The following TCF4 variants were observed in gnomAD, a reference collection of about 807,000 sequenced individuals.
TCF4 encodes SL3-3 enhancer factor 2.
Under a neutral mutation model 82.1 loss-of-function variants are expected in TCF4, and 3 were observed. The ratio of observed to expected loss-of-function variants is 0.04; its 90% CI spans 0.02 to 0.09. The LOEUF (loss-of-function observed/expected upper bound fraction) is 0.09. TCF4 is among the 10% of genes least tolerant of loss of function. The pLI is 1.00. For missense variants in TCF4, 518 were observed against 852.7 expected (o/e 0.61, Z 4.89); for synonymous variants, 276 against 309.6 (o/e 0.89, Z 1.14).
At chr18:55,321,636 T>G (rs747892895) in intron 8 of TCF4, 4 of 1,536,086 alleles carry the variant, frequency 2.6e-6, no homozygotes, top group Non-Finnish European at 3.5e-6. Flanking sequence ...ATAAAACTTG[T>G]CAAAAATCCC....
At chr18:55,438,853 CAT>C (rs2095384132) in intron 5 of TCF4, among the ~76,000 whole-genome samples, 1 of 152,224 alleles carries the variant, frequency 6.6e-6, no homozygotes, top group Admixed American at 6.5e-5. Context: ...GCTCCCTCCT[CAT>C]AACAGTGTTT....
intron 3 of TCF4, among the ~76,000 whole-genome samples, chr18:55,465,504 T>C (rs2095995244): frequency 6.6e-6 from 1 of 152,168 alleles, no homozygotes; most frequent in South Asian, 2.1e-4. Context: ...ATGTCCCCTA[T>C]GGACAGTTTA....
intron 3 of TCF4, among the ~76,000 whole-genome samples, chr18:55,496,700 T>G (rs1196802583): frequency 6.6e-6 from 1 of 152,098 alleles, no homozygotes; most frequent in Non-Finnish European, 1.5e-5. Context: ...CTGTACAATC[T>G]GTCACAATAA....
intron 8 of TCF4, among the ~76,000 whole-genome samples, chr18:55,343,091 A>G (rs2080357545): frequency 6.6e-6 from 1 of 152,092 alleles, no homozygotes; most frequent in South Asian, 2.1e-4. Context: ...AAAATCCCTA[A>G]TGGTAACAGT....
intron 3 of TCF4, among the ~76,000 whole-genome samples, chr18:55,473,454 GT>G (rs2096229043): frequency 6.6e-6 from 1 of 152,012 alleles, no homozygotes. Context: ...GAAGTCAATA[GT>G]TTTACATATT....
upstream of TCF4, among the ~76,000 whole-genome samples, chr18:55,590,262 G>T (rs924578941): frequency 3.3e-5 from 5 of 152,210 alleles, no homozygotes; most frequent in African/African-American, 1.2e-4. Context: ...AGATTTCTCA[G>T]CGAGCCTTGG....
intron 2 of TCF4, among the ~76,000 whole-genome samples, chr18:55,624,447 C>T (rs1016411826): frequency 1.3e-5 from 2 of 152,080 alleles, no homozygotes; most frequent in Admixed American, 6.6e-5. Context: ...GTAGGAACAT[C>T]TGGGCTTCAG....
intron 5 of TCF4, among the ~76,000 whole-genome samples, chr18:55,450,073 A>G (rs1452788): frequency 0.22 from 33,134 of 152,124 alleles, 4,071 homozygotes; most frequent in East Asian, 0.44. Flanking sequence ...AACTACTTAG[A>G]TGAGAAATTT....
At chr18:55,631,123 C>CA (rs1486522209) in intron 2 of TCF4, among the ~76,000 whole-genome samples, 1 of 150,266 alleles carries the variant, frequency 6.7e-6, no homozygotes, top group Non-Finnish European at 1.5e-5. Flanking sequence ...GATCTCGACT[C>CA]ACTGCAACCT....
At chr18:55,339,519 G>A (rs1048159009) in intron 8 of TCF4, among the ~76,000 whole-genome samples, 1 of 152,174 alleles carries the variant, frequency 6.6e-6, no homozygotes, top group Non-Finnish European at 1.5e-5. Flanking sequence ...TGAAGCATCA[G>A]TCCCTGTTCA....
At chr18:55,233,775 C>A (rs184574043) in intron 16 of TCF4, among the ~76,000 whole-genome samples, 28 of 145,296 alleles carry the variant, frequency 1.9e-4, no homozygotes, top group African/African-American at 7.0e-4. Context: ...GCTGAGATCG[C>A]ACCACTGTAC....
intron 7 of TCF4, 129 bp from the exon 8 acceptor site, chr18:55,350,537 A>G (rs2144772270): frequency 2.1e-6 from 2 of 935,442 alleles, no homozygotes; most frequent in East Asian, 5.2e-5. Flanking sequence ...TGTAGTTACC[A>G]CGATCACATT....
intron 8 of TCF4, among the ~76,000 whole-genome samples, chr18:55,294,161 G>C (rs1220390600): frequency 1.3e-5 from 2 of 151,198 alleles, no homozygotes; most frequent in Non-Finnish European, 2.9e-5. Flanking sequence ...TTGGGGGGCT[G>C]AGGCATGAGA....
chr18:55,622,059 A>G (rs1158035247), intron 2 of TCF4, among the ~76,000 whole-genome samples: 1 of 137,906 alleles, frequency 7.3e-6, no homozygotes, highest in Admixed American at 8.2e-5. Flanking sequence ...TAATATATAT[A>G]CACTGTATAT....
At chr18:55,537,634 C>T (rs575228394) in intron 3 of TCF4, among the ~76,000 whole-genome samples, 53 of 152,222 alleles carry the variant, frequency 3.5e-4, no homozygotes, top group Middle Eastern at 3.4e-3. Flanking sequence ...TAAAGACTGC[C>T]ATTCCTATAA....
At chr18:55,429,324 C>T (rs2095102242) in intron 5 of TCF4, among the ~76,000 whole-genome samples, 1 of 152,194 alleles carries the variant, frequency 6.6e-6, no homozygotes, top group East Asian at 1.9e-4. Context: ...AGTCCTGCCA[C>T]GTTTTTGCCC....
intron 3 of TCF4, among the ~76,000 whole-genome samples, chr18:55,549,814 C>A (rs2097243694): frequency 6.6e-6 from 1 of 152,038 alleles, no homozygotes; most frequent in Non-Finnish European, 1.5e-5. Context: ...CCATTATAGT[C>A]TTATGGGACC....
intron 5 of TCF4, among the ~76,000 whole-genome samples, chr18:55,415,552 G>A (rs1295213151): frequency 1.3e-5 from 2 of 152,198 alleles, no homozygotes; most frequent in Non-Finnish European, 2.9e-5. Flanking sequence ...TCTGTATGGG[G>A]GAGGAGGGGT....
At chr18:55,361,894 G>A (rs781780428) in intron 6 of TCF4, among the ~76,000 whole-genome samples, 1 of 152,170 alleles carries the variant, frequency 6.6e-6, no homozygotes, top group African/African-American at 2.4e-5. Flanking sequence ...CAAATAAGGT[G>A]GGCTGAGGCA....
Sources: gnomAD v4.1 joint callset for allele counts (sites outside exome capture counted in the v4.1 genomes callset) on GRCh38, gnomAD v4.1.1 for gene constraint, MANE v1.5 for transcripts, NCBI Gene and HGNC (gene_info 2026-07-23, HGNC 2026-07-21) for gene names.